Variants in TMEM26 observed in about 807,000 individuals in gnomAD.
TMEM26 encodes transmembrane protein 26.
In TMEM26, 38 loss-of-function variants were observed where a neutral mutation model predicts 28.8. The observed-to-expected ratio is 1.32, with a 90% CI of 1.02 to 1.73. The LOEUF (loss-of-function observed/expected upper bound fraction) is 1.73. Among genes scored for constraint, TMEM26 ranks in the 40% most tolerant of loss-of-function variants. The pLI, the probability that TMEM26 is intolerant of heterozygous loss-of-function variation, is 0.00. For synonymous variants in TMEM26, 227 were observed against 182.9 expected (o/e 1.24, Z -1.95); for missense variants, 518 against 447.1 (o/e 1.16, Z -1.43).
intron 1 of TMEM26, among the ~76,000 whole-genome samples, chr10:61,445,213 C>A (rs1384241060): frequency 6.6e-6 from 1 of 152,176 alleles, no homozygotes. Flanking sequence ...TTTTCATCAC[C>A]ATCGTCATCA....
chr10:61,423,944 G>C (rs1839790084), intron 4 of TMEM26, among the ~76,000 whole-genome samples: 1 of 152,034 alleles, frequency 6.6e-6, no homozygotes, highest in Non-Finnish European at 1.5e-5. Context: ...AGAAATAAAA[G>C]AGAAATTCTT....
In TMEM26 at chr10:61,407,782, G is replaced by T. The variant is rs139802508; in HGVS notation, c.*2540C>A. ...TTGGGGAGTGACCTACTGTGTGTTG[G>T]GGGGAGGGGTTATGATAGAGAGGAT... is the stretch of plus-strand genomic sequence containing the variant. On this transcript the variant is annotated 3_prime_UTR_variant, in exon 6 of 6. Coordinates refer to ENST00000399298, the MANE Select transcript of TMEM26 (RefSeq NM_178505.8). 1 of 152,102 alleles carries T rather than the reference G, an allele frequency of 6.6e-6. No individual in the cohort carries two copies. Among genetic ancestry groups the T allele is most frequent in the Non-Finnish European group, 1.5e-5 (1 of 68,032 alleles). 9.4% of individuals were successfully genotyped at this position (152,102 alleles called of 1,614,324 possible).
At chr10:61,412,726 G>A (rs1839587098) in intron 5 of TMEM26, among the ~76,000 whole-genome samples, 1 of 152,112 alleles carries the variant, frequency 6.6e-6, no homozygotes, top group South Asian at 2.1e-4. Context: ...CTGAGCACTT[G>A]AAAGGTGGCT....
rs1839516770 is a variant in TMEM26 at position 61,407,977 on chromosome 10, C to A, written c.*2345G>T. The A allele has an allele frequency of 1.3e-5, 2 of 152,174 alleles. No individual in the cohort carries two copies. The highest frequency in any genetic ancestry group is 2.9e-5 in the Non-Finnish European group (2 of 68,034). 9.4% of individuals were successfully genotyped at this position (152,174 alleles called of 1,614,324 possible). Reference sequence around the variant, plus strand: ...AGTATTTAGCAGTCTACGCTATGAACTGAACAAATTTGTAATATTTAATCA... The same window carrying A: ...AGTATTTAGCAGTCTACGCTATGAAATGAACAAATTTGTAATATTTAATCA... On this transcript the variant is annotated 3_prime_UTR_variant, in exon 6 of 6. Transcript: ENST00000399298.
At chr10:61,412,853 G>T in intron 5 of TMEM26, 1 of 965,690 alleles carries the variant, frequency 1.0e-6, no homozygotes, top group Non-Finnish European at 1.4e-6. Flanking sequence ...ATTATTGCTA[G>T]TATAAAATGC....
chr10:61,441,185 T>C (rs1056784198), intron 1 of TMEM26, among the ~76,000 whole-genome samples: 3 of 152,264 alleles, frequency 2.0e-5, no homozygotes, highest in East Asian at 3.9e-4. Flanking sequence ...CCTTCCAGAG[T>C]ATCTGGCATG....
chr10:61,428,517 TGTAGCTATGC>T (rs1839868234), intron 4 of TMEM26, among the ~76,000 whole-genome samples: 1 of 152,120 alleles, frequency 6.6e-6, no homozygotes, highest in African/African-American at 2.4e-5. Flanking sequence ...TCTCTTAAAC[TGTAGCTATGC>T]TGTGTTCTAG....
chr10:61,424,861 A>G (rs1839804509), intron 4 of TMEM26, among the ~76,000 whole-genome samples: 2 of 152,238 alleles, frequency 1.3e-5, no homozygotes, highest in African/African-American at 2.4e-5. Context: ...AATTAGTCCC[A>G]GCTGGAATGG....
chr10:61,451,395 G>A (rs971644033), intron 1 of TMEM26, among the ~76,000 whole-genome samples: 7 of 152,140 alleles, frequency 4.6e-5, no homozygotes, highest in Non-Finnish European at 8.8e-5. Context: ...GTTGGTGGCA[G>A]GACTATTTTC....
intron 1 of TMEM26, among the ~76,000 whole-genome samples, chr10:61,446,190 C>A (rs1840177434): frequency 1.3e-5 from 2 of 152,164 alleles, no homozygotes; most frequent in African/African-American, 4.8e-5. Context: ...ATGACTTCTT[C>A]TTGGGAGTAA....
intron 1 of TMEM26, among the ~76,000 whole-genome samples, chr10:61,446,781 G>A (rs1330224261): frequency 3.3e-5 from 4 of 120,512 alleles, no homozygotes; most frequent in Non-Finnish European, 6.4e-5. Flanking sequence ...ATCGCGCCAC[G>A]GCACTCCAGC....
rs34030340 is a variant in TMEM26, at chr10:61,446,817, CAAAAAAAAAAA to C, written c.191+6063_191+6073del. On this transcript the variant is annotated intron_variant, in intron 1 of 5. Coordinates refer to ENST00000399298, the MANE Select transcript of TMEM26 (RefSeq NM_178505.8). ...CTGGCGACAGAGCGAGACTCCATCT[CAAAAAAAAAAA>C]AAAAAAAAAAAAAAAAAAAAAAAAT... 1.8e-3 allele frequency among the ~76,000 whole-genome samples: 60 copies of C among 33,934 alleles called. No individual in the cohort carries two copies. The East Asian group carries it at 0.046, about 26-fold the overall frequency. 22.3% of individuals were successfully genotyped at this position (33,934 alleles called of 152,430 possible). A position where few individuals can be genotyped will look rare whatever the true frequency, so the allele number is the denominator to read the frequency against.
At chr10:61,415,093 C>T (rs376100676) in intron 4 of TMEM26, 74 of 984,992 alleles carry the variant, frequency 7.5e-5, no homozygotes, top group East Asian at 1.1e-4. Flanking sequence ...TGGCATAGAA[C>T]GTGGATAGAA....
intron 1 of TMEM26, among the ~76,000 whole-genome samples, chr10:61,441,393 TGTG>T (rs1840090279): frequency 5.9e-5 from 9 of 152,232 alleles, no homozygotes; most frequent in Admixed American, 3.9e-4. Context: ...AATATTTTAG[TGTG>T]ATATCTTTGC....
intron 1 of TMEM26, among the ~76,000 whole-genome samples, chr10:61,439,019 G>A (rs1202200972): frequency 6.6e-6 from 1 of 152,170 alleles, no homozygotes; most frequent in African/African-American, 2.4e-5. Flanking sequence ...CTAACCACGT[G>A]TCTCTGGTAA....
At chr10:61,419,369 A>T (rs988991991) in intron 4 of TMEM26, among the ~76,000 whole-genome samples, 31 of 152,176 alleles carry the variant, frequency 2.0e-4, no homozygotes, top group African/African-American at 7.2e-4. Flanking sequence ...AAATATTTCA[A>T]AGCAACTATT....
chr10:61,425,316 G>A (rs1380843238), intron 4 of TMEM26, among the ~76,000 whole-genome samples: 1 of 152,102 alleles, frequency 6.6e-6, no homozygotes, highest in East Asian at 1.9e-4. Flanking sequence ...AATTCAAGAT[G>A]AGATTTGGGC....
Position 61,429,129 on chromosome 10 carries a change from A to G in TMEM26, c.402T>C (p.Asn134=), listed in dbSNP as rs1450568095. 2.5e-6 allele frequency: 4 copies of G among 1,612,796 alleles called. No homozygotes were observed. The highest frequency in any genetic ancestry group is 2.7e-5 in the African/African-American group (2 of 75,002). The change falls in exon 4 of 6, where the codon AAT becomes AAC. Residue 134 remains asparagine (N), a synonymous_variant. Transcript: ENST00000399298. ...DLIETAKVFV[N]NLSTVCEKVW... is the part of the protein sequence containing the mutation. ...CTTTCTCACATACTGTAGATAAGTT[A>G]TTCACAAAAACTTTGGCCTGTTTAA...
At chr10:61,446,523 A>G (rs1840182952) in intron 1 of TMEM26, among the ~76,000 whole-genome samples, 2 of 152,150 alleles carry the variant, frequency 1.3e-5, no homozygotes, top group Non-Finnish European at 2.9e-5. Context: ...TTATGTCTTA[A>G]AAAATGTATA....
Sources: allele counts gnomAD v4.1 joint callset (sites outside exome capture counted in the v4.1 genomes callset), GRCh38; gene constraint gnomAD v4.1.1; transcripts MANE v1.5; gene names NCBI Gene and HGNC (gene_info 2026-07-23, HGNC 2026-07-21).